KIF26B: variants seen among roughly 807,000 people sequenced by gnomAD.
KIF26B encodes the protein kinesin family member 26B.
KIF26B carries 63 observed loss-of-function variants against 151.2 expected under a neutral mutation model. That is an observed-to-expected ratio of 0.42 (90% CI 0.34 to 0.51). The LOEUF is 0.51. Ranked by LOEUF, KIF26B falls within the 20% of genes least tolerant of loss-of-function variation. The pLI is 0.07. For missense variants in KIF26B, 2,813 were observed against 2,913.6 expected (o/e 0.97, Z 0.79); for synonymous variants, 1,357 against 1,262.1 (o/e 1.08, Z -1.59).
At position 245,227,045 on chromosome 1, in the gene KIF26B, G is replaced by C. The variant is rs1343667880; in HGVS notation, c.465+70362G>C. On this transcript the variant is annotated intron_variant, in intron 2 of 14. Coordinates refer to ENST00000407071, the MANE Select transcript of KIF26B (RefSeq NM_018012.4). The surrounding 1 kb of genome is among the most constrained non-coding windows in gnomAD (Gnocchi z 4.1). The stretch of plus-strand genomic sequence containing the variant: ...TGTTTCGAATGACCCACAGGGAATG[G>C]TGCACCATTCACTCAGTCCACCCCT... Among the ~76,000 whole-genome samples the C allele has an allele frequency of 6.6e-6, 1 of 152,158 alleles. No individual in the cohort carries two copies. Among genetic ancestry groups the C allele is most frequent in the Non-Finnish European group, 1.5e-5 (1 of 68,024 alleles).
At chr1:245,576,358 T>TC (rs1030717006) in intron 5 of KIF26B, among the ~76,000 whole-genome samples, 4 of 152,124 alleles carry the variant, frequency 2.6e-5, no homozygotes, top group Non-Finnish European at 4.4e-5. Flanking sequence ...TCTCCTCAGC[T>TC]CCCCCAGAAC....
At position 245,302,283 on chromosome 1, in the gene KIF26B, G is replaced by T. The variant is rs530670604; in HGVS notation, c.466-64551G>T. On this transcript the variant is annotated intron_variant, in intron 2 of 14. Coordinates refer to ENST00000407071, the MANE Select transcript of KIF26B (RefSeq NM_018012.4). ...GAAAAATCTAATATATATTTACTCT[G>T]ATGCCATAAGGAGTGTCAGCCTTTG... Among the ~76,000 whole-genome samples the T allele has an allele frequency of 8.5e-5, 13 of 152,322 alleles. No homozygotes were observed. In the South Asian group the frequency reaches 2.7e-3, roughly 32 times the overall value.
intron 5 of KIF26B, among the ~76,000 whole-genome samples, chr1:245,573,672 A>G (rs1191577103): frequency 6.6e-6 from 1 of 151,470 alleles, no homozygotes; most frequent in East Asian, 1.9e-4. Context: ...TGCTCATTGC[A>G]AACTGGCCAA....
intron 2 of KIF26B, among the ~76,000 whole-genome samples, chr1:245,303,291 C>T (rs1017202970): frequency 1.3e-4 from 20 of 149,710 alleles, no homozygotes; most frequent in South Asian, 4.2e-4. Context: ...CTCCGCCTCC[C>T]GGGTTCACGC....
chr1:245,684,323 G>T lies in KIF26B; in HGVS notation c.2349G>T (p.Gly783=). 6.2e-7 allele frequency: 1 copy of T among 1,613,958 alleles called. No individual in the cohort carries two copies. The highest frequency in any genetic ancestry group is 1.3e-5 in the African/African-American group (1 of 75,056). Residue 783 remains glycine, a synonymous_variant, in exon 11 of 15, where the codon GGG becomes GGT. Transcript: ENST00000407071. ...TCGCGCACATCTCGGCCGCGGTCGG[G>T]AGCTACGCGGAGACCCTGTCCACCA... ...TMIAHISAAV[G]SYAETLSTIQ...
rs1453312408 is a variant in KIF26B at position 245,706,349 on chromosome 1, C to T, written c.*3743C>T. 1 of 152,172 alleles carries T rather than the reference C, an allele frequency of 6.6e-6. No individual in the cohort carries two copies. The highest frequency in any genetic ancestry group is 1.5e-5 in the Non-Finnish European group (1 of 68,020). 9.4% of individuals were successfully genotyped at this position (152,172 alleles called of 1,614,324 possible). On this transcript the variant is annotated 3_prime_UTR_variant, in exon 15 of 15. Transcript: ENST00000407071. ...TCTCATGTCCTTGTAAACCAGCCACCTTCTTTGGATAGAAGGCAAGGCTGA... is the reference window on the plus strand; with the variant it reads ...TCTCATGTCCTTGTAAACCAGCCACTTTCTTTGGATAGAAGGCAAGGCTGA...
chr1:245,445,517 G>A (rs1093937), intron 4 of KIF26B, among the ~76,000 whole-genome samples: 143,687 of 152,306 alleles, frequency 0.94, 67,808 homozygotes, highest in East Asian at 1. Flanking sequence ...TGCGCACGTG[G>A]GGGGGATACA....
At chr1:245,208,106 A>G (rs971728364) in intron 2 of KIF26B, among the ~76,000 whole-genome samples, 17 of 152,168 alleles carry the variant, frequency 1.1e-4, no homozygotes, top group Admixed American at 1.1e-3. Flanking sequence ...TCCGAATCTG[A>G]GCTTCCTCTT....
chr1:245,671,118 G>A (rs2044281129), intron 10 of KIF26B, among the ~76,000 whole-genome samples: 1 of 152,074 alleles, frequency 6.6e-6, no homozygotes, highest in South Asian at 2.1e-4. Context: ...TTCTGTTCCT[G>A]GCTTATTTCA....
chr1:245,261,205 G>A (rs1005037655), intron 2 of KIF26B, among the ~76,000 whole-genome samples: 3 of 151,320 alleles, frequency 2.0e-5, no homozygotes, highest in Non-Finnish European at 4.4e-5. Context: ...GAGTGCAATG[G>A]TGCAATCTCG....
At position 245,155,553 on chromosome 1, in the gene KIF26B, C is replaced by G. The variant is rs1174749753; in HGVS notation, c.63+66C>G. The G allele has an allele frequency of 2.1e-6, 3 of 1,408,158 alleles. No homozygotes were observed. The East Asian group carries it at 7.4e-5, about 35-fold the overall frequency. The allele number at this position is 1,408,158 out of a possible 1,614,324, so 87.2% of individuals were successfully genotyped here. A position where few individuals can be genotyped will look rare whatever the true frequency, so the allele number is the denominator to read the frequency against. ...CCATCTCGGCGGAGGTCCCCCTTTC[C>G]CCGGGATCGTGCGGCCCCGGCCCCG... On this transcript the variant is annotated intron_variant, in intron 1 of 14. Transcript: ENST00000407071.
rs908702387 is a variant in KIF26B at position 245,560,513 on chromosome 1, T to C, written c.1350+19563T>C. On this transcript the variant is annotated intron_variant, in intron 5 of 14. Transcript: ENST00000407071. The surrounding 1 kb of genome is among the most constrained non-coding windows in gnomAD (Gnocchi z 4.3). ...TTACTGGGTGTTGATCTCCTTATGA[T>C]ACTCTCGGTTCCTAATTATGTTAGA... 1.3e-5 allele frequency among the ~76,000 whole-genome samples: 2 copies of C among 151,890 alleles called. No individual in the cohort carries two copies. The highest frequency in any genetic ancestry group is 4.8e-5 in the African/African-American group (2 of 41,322).
chr1:245,523,188 A>G (rs1273768656), intron 4 of KIF26B, among the ~76,000 whole-genome samples: 1 of 152,188 alleles, frequency 6.6e-6, no homozygotes, highest in South Asian at 2.1e-4. Flanking sequence ...TGTACGCTTG[A>G]CTATTTCTCT....
intron 2 of KIF26B, among the ~76,000 whole-genome samples, chr1:245,221,732 G>T (rs1418411956): frequency 6.6e-6 from 1 of 152,124 alleles, no homozygotes; most frequent in Non-Finnish European, 1.5e-5. Flanking sequence ...TTTATACTTT[G>T]TGTTTGCATT....
intron 2 of KIF26B, among the ~76,000 whole-genome samples, chr1:245,321,171 C>G (rs1242438773): frequency 6.6e-6 from 1 of 152,206 alleles, no homozygotes. Flanking sequence ...ACCATCCACC[C>G]TCATCCCTGG....
chr1:245,362,364 TAAAAA>T, intron 2 of KIF26B, among the ~76,000 whole-genome samples: 1 of 82,578 alleles, frequency 1.2e-5, no homozygotes, highest in African/African-American at 4.3e-5. Context: ...CCGTCTCTAC[TAAAAA>T]AAAAAAAAAA....
At chr1:245,541,670 T>C (rs1661627264) in intron 5 of KIF26B, among the ~76,000 whole-genome samples, 1 of 152,204 alleles carries the variant, frequency 6.6e-6, no homozygotes, top group African/African-American at 2.4e-5. Context: ...AATTTTTTAT[T>C]TTTATCAAAA....
At chr1:245,520,611 C>CCCACCCACCCAT (rs1661079316) in intron 4 of KIF26B, among the ~76,000 whole-genome samples, 1 of 78,682 alleles carries the variant, frequency 1.3e-5, no homozygotes, top group African/African-American at 3.6e-5. Context: ...CACCCACCCA[C>CCCACCCACCCAT]CCATCCATCC....
intron 3 of KIF26B, among the ~76,000 whole-genome samples, chr1:245,417,170 GT>G (rs969335579): frequency 6.8e-6 from 1 of 146,788 alleles, no homozygotes; most frequent in South Asian, 2.1e-4. Context: ...CATAATATTT[GT>G]TTTTTTTTAG....
Sources: gnomAD v4.1 joint callset for allele counts (sites outside exome capture counted in the v4.1 genomes callset) on GRCh38, gnomAD v4.1.1 for gene constraint, Gnocchi (gnomAD v3.1) non-coding constraint, MANE v1.5 for transcripts, NCBI Gene and HGNC (gene_info 2026-07-23, HGNC 2026-07-21) for gene names.